The following SRPK2 variants were observed in gnomAD, a reference collection of about 807,000 sequenced individuals.
The protein encoded by SRPK2 is SRSF protein kinase 2.
In SRPK2, 21 loss-of-function variants were observed where a neutral mutation model predicts 90.8. The observed-to-expected ratio is 0.23, with a 90% CI of 0.16 to 0.33. The LOEUF (loss-of-function observed/expected upper bound fraction) is 0.33. SRPK2 is among the 10% of genes least tolerant of loss of function. SRPK2 has a pLI of 1.00. For missense variants in SRPK2, 620 were observed against 869.0 expected (o/e 0.71, Z 3.60); for synonymous variants, 288 against 311.1 (o/e 0.93, Z 0.78).
At chr7:105,203,033 G>C (rs1795752065) in intron 3 of SRPK2, among the ~76,000 whole-genome samples, 1 of 152,132 alleles carries the variant, frequency 6.6e-6, no homozygotes, top group Admixed American at 6.5e-5. Context: ...CTGCCGCCCA[G>C]GCTGGACTGC....
chr7:105,247,515 A>ACACGCACACACACAAAC (rs1801831318), intron 2 of SRPK2, among the ~76,000 whole-genome samples: 3 of 92,642 alleles, frequency 3.2e-5, no homozygotes, highest in African/African-American at 8.1e-5. Context: ...CATACCAAAA[A>ACACGCACACACACAAAC]ACACACACAC....
intron 7 of SRPK2, among the ~76,000 whole-genome samples, chr7:105,154,700 GAC>G (rs1806236608): frequency 6.6e-6 from 1 of 152,110 alleles, no homozygotes; most frequent in African/African-American, 2.4e-5. Flanking sequence ...TTTGTTTGGA[GAC>G]AGAGTCTGTC....
At chr7:105,204,846 A>C (rs1179602153) in intron 2 of SRPK2, 1 of 475,306 alleles carries the variant, frequency 2.1e-6, no homozygotes, top group African/African-American at 2.0e-5. Flanking sequence ...TGAAGAGTTC[A>C]AAGACCTAAG....
chr7:105,303,317 G>A (rs1186372719), intron 2 of SRPK2, among the ~76,000 whole-genome samples: 1 of 152,072 alleles, frequency 6.6e-6, no homozygotes, highest in Non-Finnish European at 1.5e-5. Flanking sequence ...CCTGTCGTGG[G>A]GTGGGAGCTG....
chr7:105,342,366 A>C (rs1209587801), intron 2 of SRPK2, among the ~76,000 whole-genome samples: 1 of 149,692 alleles, frequency 6.7e-6, no homozygotes, highest in African/African-American at 2.5e-5. Flanking sequence ...TAATTAAATA[A>C]AATAAAAATA....
Position 105,157,737 on chromosome 7 carries a change from T to C in SRPK2, c.621+2770A>G, listed in dbSNP as rs958590649. Among the ~76,000 whole-genome samples, 7 of 152,202 alleles carry C rather than the reference T, an allele frequency of 4.6e-5. 1 individual carries two copies. Among genetic ancestry groups the C allele is most frequent in the Admixed American group, 3.3e-4 (5 of 15,282 alleles). On this transcript the variant is annotated intron_variant, in intron 7 of 15. Coordinates refer to ENST00000393651, the MANE Select transcript of SRPK2 (RefSeq NM_182692.3). ...CTAAAGAAATAATATAAGAGCTCTTTCTAAGTTTCCACCAAAAACAGGGTA... is the reference window on the plus strand; with the variant it reads ...CTAAAGAAATAATATAAGAGCTCTTCCTAAGTTTCCACCAAAAACAGGGTA...
At chr7:105,331,435 T>C (rs922890152) in intron 2 of SRPK2, among the ~76,000 whole-genome samples, 1 of 146,364 alleles carries the variant, frequency 6.8e-6, no homozygotes, top group Non-Finnish European at 1.5e-5. Context: ...AAATAATCCA[T>C]AACATAAACT....
At chr7:105,192,873 A>G (rs1472523240) in intron 3 of SRPK2, among the ~76,000 whole-genome samples, 2 of 152,036 alleles carry the variant, frequency 1.3e-5, no homozygotes, top group African/African-American at 2.4e-5. Flanking sequence ...TCATGTCCTT[A>G]GCCCACTTTT....
intron 2 of SRPK2, among the ~76,000 whole-genome samples, chr7:105,259,000 C>T: frequency 6.6e-6 from 1 of 152,168 alleles, no homozygotes; most frequent in Non-Finnish European, 1.5e-5. Context: ...CCTCTCTCAC[C>T]ACTCCTATTC....
intron 2 of SRPK2, among the ~76,000 whole-genome samples, chr7:105,370,234 T>G (rs1287504061): frequency 6.6e-6 from 1 of 152,138 alleles, no homozygotes; most frequent in East Asian, 1.9e-4. Context: ...TCAATGAAAC[T>G]TCGGCTTCCT....
intron 3 of SRPK2, among the ~76,000 whole-genome samples, chr7:105,195,078 C>A (rs142089137): frequency 6.6e-6 from 1 of 152,324 alleles, no homozygotes; most frequent in Non-Finnish European, 1.5e-5. Context: ...GAGACAGAGT[C>A]TCGTTCTATC....
chr7:105,257,549 A>C (rs1803502223), intron 2 of SRPK2, among the ~76,000 whole-genome samples: 1 of 152,242 alleles, frequency 6.6e-6, no homozygotes, highest in African/African-American at 2.4e-5. Context: ...GTGTATGAGA[A>C]CAACTCTCAC....
At chr7:105,186,410 T>C (rs745948501) in intron 3 of SRPK2, among the ~76,000 whole-genome samples, 11 of 152,206 alleles carry the variant, frequency 7.2e-5, no homozygotes, top group African/African-American at 2.2e-4. Flanking sequence ...TGTGTGCCCA[T>C]TGTTTAGTTC....
chr7:105,208,036 T>C (rs1161445442), intron 2 of SRPK2, among the ~76,000 whole-genome samples: 1 of 152,054 alleles, frequency 6.6e-6, no homozygotes, highest in Non-Finnish European at 1.5e-5. Context: ...CCAATAAATA[T>C]ATGAAAAGAT....
intron 8 of SRPK2, among the ~76,000 whole-genome samples, chr7:105,145,680 T>C (rs1804506742): frequency 1.3e-5 from 2 of 151,320 alleles, no homozygotes; most frequent in African/African-American, 2.5e-5. Flanking sequence ...ATGAACAATG[T>C]AGATGTACAT....
intron 2 of SRPK2, among the ~76,000 whole-genome samples, chr7:105,285,659 T>A (rs971105065): frequency 3.5e-4 from 53 of 152,108 alleles, no homozygotes; most frequent in Non-Finnish European, 7.2e-4. Context: ...TGAGTTCACA[T>A]GAGATCTGAT....
intron 2 of SRPK2, among the ~76,000 whole-genome samples, chr7:105,259,779 A>G (rs1179531877): frequency 6.6e-6 from 1 of 152,216 alleles, no homozygotes; most frequent in East Asian, 1.9e-4. Context: ...AAAACAAGCA[A>G]TGGGGAAAGC....
At chr7:105,225,660 T>G (rs1411980662) in intron 2 of SRPK2, among the ~76,000 whole-genome samples, 2 of 152,222 alleles carry the variant, frequency 1.3e-5, no homozygotes, top group East Asian at 3.8e-4. Flanking sequence ...TTAATTGTAT[T>G]TATAAAGTTT....
At chr7:105,197,011 C>CA (rs1306338047) in intron 3 of SRPK2, among the ~76,000 whole-genome samples, 1 of 152,030 alleles carries the variant, frequency 6.6e-6, no homozygotes, top group Non-Finnish European at 1.5e-5. Flanking sequence ...TGCAGCATTG[C>CA]ACTCCAGCCT....
Sources: allele counts gnomAD v4.1 joint callset (sites outside exome capture counted in the v4.1 genomes callset), GRCh38; gene constraint gnomAD v4.1.1; transcripts MANE v1.5; gene names NCBI Gene and HGNC (gene_info 2026-07-23, HGNC 2026-07-21).